BRIP1: variants seen among roughly 807,000 people sequenced by gnomAD.
BRIP1 encodes the protein Fanconi anemia group J protein.
Under a neutral mutation model 119.7 loss-of-function variants are expected in BRIP1, and 88 were observed. That is an observed-to-expected ratio of 0.74 (90% CI 0.62 to 0.88). BRIP1 has a LOEUF of 0.88. Among genes scored for constraint, BRIP1 ranks in the 40% least tolerant of loss-of-function variants. The probability of loss-of-function intolerance (pLI) is 0.00; values close to 1 mark genes in which losing one functional copy is unlikely to be tolerated. For synonymous variants in BRIP1, 443 were observed against 496.5 expected (o/e 0.89, Z 1.43); for missense variants, 1,259 against 1,455.4 (o/e 0.87, Z 2.20).
rs1555616165 is a variant in BRIP1, at chr17:61,849,184, T to C, written c.452A>G (p.Asn151Ser). 2 of 1,613,422 alleles carry C rather than the reference T, an allele frequency of 1.2e-6. No homozygotes were observed. Among genetic ancestry groups the C allele is most frequent in the Non-Finnish European group, 8.5e-7 (1 of 1,179,516 alleles). ...KKQASIYRDE[N>S]DDFQVEKKRI... ...TTTCTTCTCTACTTGAAAATCATCA[T>C]TTTCATCTCTGTATATGGATGCCTG... The change falls in exon 5 of 20, where the codon AAT (asparagine) becomes AGT (serine). Residue 151 changes from asparagine to serine, a missense_variant. By Grantham distance (46) the Asn-to-Ser change is conservative. Around this residue, in one of 3 missense-constraint regions of BRIP1, gnomAD observed 501 missense variants for 544.0 expected, o/e 0.92. Coordinates refer to ENST00000259008, the MANE Select transcript of BRIP1 (RefSeq NM_032043.3).
chr17:61,750,074 G>A (rs2077111674), intron 14 of BRIP1, among the ~76,000 whole-genome samples: 1 of 152,142 alleles, frequency 6.6e-6, no homozygotes, highest in African/African-American at 2.4e-5. Flanking sequence ...ATACAGAAAT[G>A]GCAAGAGTGG....
Position 61,843,002 on chromosome 17 carries a change from GTGTGTA to G in BRIP1, c.627+4093_627+4098del, listed in dbSNP as rs1297206650. On this transcript the variant is annotated intron_variant, in intron 6 of 19. Transcript: ENST00000259008. The surrounding 1 kb of genome is among the most constrained non-coding windows in gnomAD (Gnocchi z 5.7). The stretch of plus-strand genomic sequence containing the variant: ...TCAATGGATGAATAAAGAAAATGTG[GTGTGTA>G]TGTGTATGTCAATGGAATATTAGCC... Among the ~76,000 whole-genome samples the G allele has an allele frequency of 6.6e-6, 1 of 152,164 alleles. No individual in the cohort carries two copies. Among genetic ancestry groups the G allele is most frequent in the African/African-American group, 2.4e-5 (1 of 41,416 alleles).
In BRIP1 at chr17:61,745,305, A is replaced by G. The variant is rs1458814637; in HGVS notation, c.2098-714T>C. On this transcript the variant is annotated intron_variant, in intron 14 of 19. Coordinates refer to ENST00000259008, the MANE Select transcript of BRIP1 (RefSeq NM_032043.3). This position sits in a 1 kb window ranked among gnomAD's most constrained non-coding sequence, Gnocchi z 4.4. ...CATATTTCAACAGTTATGCCATGGT[A>G]GATTAAAAGTCAATAATATAAAGTC... 6.6e-6 allele frequency among the ~76,000 whole-genome samples: 1 copy of G among 152,232 alleles called. No homozygotes were observed. The highest frequency in any genetic ancestry group is 1.5e-5 in the Non-Finnish European group (1 of 68,038).
rs1279019552 is a variant in BRIP1, at chr17:61,843,202, G to A, written c.627+3899C>T. ...ACAGAAATCAGAACAATGGTTACTGGGGCAGGGAGGTGGGGGATTTGAGGA... is the reference window on the plus strand; with the variant it reads ...ACAGAAATCAGAACAATGGTTACTGAGGCAGGGAGGTGGGGGATTTGAGGA... On this transcript the variant is annotated intron_variant, in intron 6 of 19. Coordinates refer to ENST00000259008, the MANE Select transcript of BRIP1 (RefSeq NM_032043.3). This position sits in a 1 kb window ranked among gnomAD's most constrained non-coding sequence, Gnocchi z 5.7. Among the ~76,000 whole-genome samples the A allele has an allele frequency of 1.3e-5, 2 of 152,090 alleles. No homozygotes were observed. The highest frequency in any genetic ancestry group is 4.8e-5 in the African/African-American group (2 of 41,406).
At chr17:61,835,797 G>T (rs12602103) in intron 6 of BRIP1, among the ~76,000 whole-genome samples, 53,797 of 151,858 alleles carry the variant, frequency 0.35, 10,674 homozygotes, top group African/African-American at 0.53. Flanking sequence ...CTGGAAAAAT[G>T]ATTAAGTGAC....
rs766636315 is a variant in BRIP1 at position 61,699,473 on chromosome 17, T to A, written c.2493-5961A>T. On this transcript the variant is annotated intron_variant, in intron 17 of 19. Coordinates refer to ENST00000259008, the MANE Select transcript of BRIP1 (RefSeq NM_032043.3). This position sits in a 1 kb window ranked among gnomAD's most constrained non-coding sequence, Gnocchi z 4.8. ...TATTTTTATTAGTGGTTGAAGAGTATAATAAACATATCAACCAGTAATAAA... is the reference window on the plus strand; with the variant it reads ...TATTTTTATTAGTGGTTGAAGAGTAAAATAAACATATCAACCAGTAATAAA... Among the ~76,000 whole-genome samples, 1 of 152,224 alleles carries A rather than the reference T, an allele frequency of 6.6e-6. No individual in the cohort carries two copies. The highest frequency in any genetic ancestry group is 1.5e-5 in the Non-Finnish European group (1 of 68,032).
intron 14 of BRIP1, among the ~76,000 whole-genome samples, chr17:61,772,540 C>T (rs1028128413): frequency 1.3e-5 from 2 of 151,874 alleles, no homozygotes; most frequent in African/African-American, 2.4e-5. Flanking sequence ...ATGCTAAGGC[C>T]GAACGCAGTG....
chr17:61,772,210 AAAT>A (rs2077465592), intron 14 of BRIP1, among the ~76,000 whole-genome samples: 1 of 99,598 alleles, frequency 1.0e-5, no homozygotes, highest in Non-Finnish European at 2.0e-5. Flanking sequence ...TATATATATA[AAAT>A]GAAATATTAT....
rs1476052357 is a variant in BRIP1, at chr17:61,736,141, C to G, written c.2379+6872G>C. 6.6e-6 allele frequency among the ~76,000 whole-genome samples: 1 copy of G among 151,210 alleles called. No homozygotes were observed. The highest frequency in any genetic ancestry group is 1.5e-5 in the Non-Finnish European group (1 of 67,794). ...AGGAGTTCAAGGCCAGCTTGTACAA[C>G]ATAGCAAGACCTCGCCTCTCCAAAA... On this transcript the variant is annotated intron_variant, in intron 16 of 19. Coordinates refer to ENST00000259008, the MANE Select transcript of BRIP1 (RefSeq NM_032043.3). This position sits in a 1 kb window ranked among gnomAD's most constrained non-coding sequence, Gnocchi z 4.4.
At chr17:61,837,053 A>G (rs1251886044) in intron 6 of BRIP1, among the ~76,000 whole-genome samples, 2 of 152,222 alleles carry the variant, frequency 1.3e-5, no homozygotes, top group African/African-American at 4.8e-5. Flanking sequence ...CCTTCCTGAT[A>G]CGGTTGTTAT....
chr17:61,797,504 G>C (rs2077919341), intron 9 of BRIP1, among the ~76,000 whole-genome samples: 1 of 151,966 alleles, frequency 6.6e-6, no homozygotes, highest in Non-Finnish European at 1.5e-5. Flanking sequence ...TGTCCAGAGA[G>C]CAACACTGCT....
chr17:61,692,861 G>A (rs143971949), intron 18 of BRIP1, among the ~76,000 whole-genome samples: 23 of 152,196 alleles, frequency 1.5e-4, no homozygotes, highest in African/African-American at 3.9e-4. Context: ...CAAATCCTAC[G>A]CTTGGTATTT....
rs371160215 is a variant in BRIP1 at position 61,823,796 on chromosome 17, A to ACACCCC, written c.628-15040_628-15039insGGGGTG. On this transcript the variant is annotated intron_variant, in intron 6 of 19. Coordinates refer to ENST00000259008, the MANE Select transcript of BRIP1 (RefSeq NM_032043.3). This position sits in a 1 kb window ranked among gnomAD's most constrained non-coding sequence, Gnocchi z 4.8. ...CACACACACACACACACACACACAC[A>ACACCCC]CCTTAGTTGAATTGCTGAAAGCAGA... 2.7e-5 allele frequency among the ~76,000 whole-genome samples: 4 copies of ACACCCC among 148,822 alleles called. No homozygotes were observed. Among genetic ancestry groups the ACACCCC allele is most frequent in the Admixed American group, 6.7e-5 (1 of 14,978 alleles).
rs786202637 is a variant in BRIP1, at chr17:61,801,279, G to A, written c.1114C>T (p.Leu372Phe). 1.9e-6 allele frequency: 3 copies of A among 1,613,606 alleles called. No homozygotes were observed. In the African/African-American group the frequency reaches 4.0e-5, roughly 22 times the overall value. ...ADIIFCPYNY[L>F]LDAQIRESMD... Reference sequence around the variant, plus strand: ...CTTTCCCTTATTTGTGCATCTAGAAGATAGTTGTAGGGACAAAATATGATG... The same window carrying A: ...CTTTCCCTTATTTGTGCATCTAGAAAATAGTTGTAGGGACAAAATATGATG... The change falls in exon 8 of 20, where the codon CTT becomes TTT. Residue 372 changes from leucine (L) to phenylalanine (F), a missense_variant. Coordinates refer to ENST00000259008, the MANE Select transcript of BRIP1 (RefSeq NM_032043.3).
At chr17:61,773,733 T>C (rs1411526588) in intron 14 of BRIP1, among the ~76,000 whole-genome samples, 2 of 151,474 alleles carry the variant, frequency 1.3e-5, no homozygotes, top group Non-Finnish European at 2.9e-5. Context: ...TTAAACAAAT[T>C]TACAAGAAAA....
intron 16 of BRIP1, among the ~76,000 whole-genome samples, chr17:61,719,180 C>CT (rs1283496745): frequency 1.4e-5 from 2 of 145,576 alleles, no homozygotes; most frequent in African/African-American, 2.5e-5. Context: ...GACATTGCCC[C>CT]CCCCCCATGT....
rs2061474389 is a variant in BRIP1 at position 61,693,284 on chromosome 17, A to C, written c.2575+146T>G. On this transcript the variant is annotated intron_variant, in intron 18 of 19. Coordinates refer to ENST00000259008, the MANE Select transcript of BRIP1 (RefSeq NM_032043.3). The surrounding 1 kb of genome is among the most constrained non-coding windows in gnomAD (Gnocchi z 4.2). The stretch of plus-strand genomic sequence containing the variant: ...TATGTAAGATTTAAAAGTTCTAGAT[A>C]TCTGCTGTGAAATACTGTGCTTATA... 11 of 750,498 alleles carry C rather than the reference A, an allele frequency of 1.5e-5. No homozygotes were observed. In the South Asian group the frequency reaches 1.8e-4, roughly 12 times the overall value. The allele number at this position is 750,498 out of a possible 1,614,324, so 46.5% of individuals were successfully genotyped here.
At position 61,690,531 on chromosome 17, in the gene BRIP1, A is replaced by G. The variant is rs1021642225; in HGVS notation, c.2575+2899T>C. ...TTCATGTAAGACCCATGTAACCACA[A>G]AGGAAATATCTATAGAAGGTATACA... On this transcript the variant is annotated intron_variant, in intron 18 of 19. Transcript: ENST00000259008. The surrounding 1 kb of genome is among the most constrained non-coding windows in gnomAD (Gnocchi z 5.6). Among the ~76,000 whole-genome samples, 2 of 152,230 alleles carry G rather than the reference A, an allele frequency of 1.3e-5. No homozygotes were observed. Among genetic ancestry groups the G allele is most frequent in the African/African-American group, 4.8e-5 (2 of 41,450 alleles).
Position 61,862,343 on chromosome 17 carries a change from G to A in BRIP1, c.-30-774C>T, listed in dbSNP as rs1396087641. 1.3e-5 allele frequency among the ~76,000 whole-genome samples: 2 copies of A among 152,232 alleles called. No individual in the cohort carries two copies. The highest frequency in any genetic ancestry group is 6.5e-5 in the Admixed American group (1 of 15,280). ...GGGCTTTGGAGTAAGGCAATCCTAA[G>A]TTTGAATTCCACTGTGTGAATCACT... On this transcript the variant is annotated intron_variant, in intron 1 of 19. Transcript: ENST00000259008. The surrounding 1 kb of genome is among the most constrained non-coding windows in gnomAD (Gnocchi z 5.3).
Sources: allele counts gnomAD v4.1 joint callset (sites outside exome capture counted in the v4.1 genomes callset), GRCh38; gene constraint gnomAD v4.1.1; regional missense constraint gnomAD v4.1.1; non-coding constraint Gnocchi (gnomAD v3.1); transcripts MANE v1.5; gene names NCBI Gene and HGNC (gene_info 2026-07-23, HGNC 2026-07-21).